The following CYP39A1 variants were observed in gnomAD, a reference collection of about 807,000 sequenced individuals.
The protein encoded by CYP39A1 is 24-hydroxycholesterol 7-alpha-hydroxylase.
A neutral mutation model predicts 58.1 loss-of-function variants in CYP39A1; 49 were observed. That is an observed-to-expected ratio of 0.84 (90% CI 0.67 to 1.07). The LOEUF (loss-of-function observed/expected upper bound fraction) is 1.07. CYP39A1 is among the 50% of genes least tolerant of loss of function. CYP39A1 has a pLI of 0.00. For synonymous variants in CYP39A1, 209 were observed against 187.6 expected, an observed-to-expected ratio of 1.11 and a Z score of -0.93; for missense variants, 531 against 539.4, an observed-to-expected ratio of 0.98 and a Z score of 0.16.
At chr6:46,551,369 G>GAAAAAA (rs200719212) in intron 11 of CYP39A1, among the ~76,000 whole-genome samples, 2 of 100,302 alleles carry the variant, frequency 2.0e-5, no homozygotes, top group African/African-American at 3.5e-5. Flanking sequence ...AAAGTAAAAT[G>GAAAAAA]AAAAAAAAAA....
chr6:46,637,633 A>G, intron 4 of CYP39A1, among the ~76,000 whole-genome samples, 196 bp downstream of exon 4: 1 of 152,220 alleles, frequency 6.6e-6, no homozygotes, highest in Non-Finnish European at 1.5e-5. Context: ...GTTTTTGTTC[A>G]TCACAATAAG....
At chr6:46,648,615 A>G (rs1582476716) in intron 1 of CYP39A1, among the ~76,000 whole-genome samples, 1 of 152,072 alleles carries the variant, frequency 6.6e-6, no homozygotes, top group East Asian at 1.9e-4. Flanking sequence ...ACATGTATAC[A>G]TATGTAACAA....
Position 46,550,293 on chromosome 6 carries a change from A to G in CYP39A1, c.*73T>C. On this transcript the variant is annotated 3_prime_UTR_variant, in exon 12 of 12. Coordinates refer to ENST00000275016, the MANE Select transcript of CYP39A1 (RefSeq NM_016593.5). ...GAAGCAGTGTGTTTTTGTAGAGCTC[A>G]GGTCTAGGTGCTGCCAGGTGGGGTA... 8.3e-7 allele frequency: 1 copy of G among 1,207,824 alleles called. No individual in the cohort carries two copies. Among genetic ancestry groups the G allele is most frequent in the Non-Finnish European group, 1.2e-6 (1 of 835,888 alleles). 74.8% of individuals were successfully genotyped at this position (1,207,824 alleles called of 1,614,324 possible).
intron 11 of CYP39A1, among the ~76,000 whole-genome samples, chr6:46,553,152 C>T (rs769851989): frequency 6.6e-6 from 1 of 151,124 alleles, no homozygotes; most frequent in Non-Finnish European, 1.5e-5. Context: ...GAAATTCTAG[C>T]GATAAATAGC....
intron 1 of CYP39A1, among the ~76,000 whole-genome samples, chr6:46,643,787 T>C (rs963897901): frequency 3.9e-5 from 6 of 152,038 alleles, no homozygotes; most frequent in Non-Finnish European, 8.8e-5. Context: ...TGTTGTTGTG[T>C]TTGTTTTACT....
At chr6:46,611,526 C>T (rs1180638372) in intron 7 of CYP39A1, among the ~76,000 whole-genome samples, 1 of 152,158 alleles carries the variant, frequency 6.6e-6, no homozygotes, top group East Asian at 1.9e-4. Context: ...AAGTTCAATG[C>T]CACTATACCA....
intron 6 of CYP39A1, among the ~76,000 whole-genome samples, chr6:46,630,046 A>G (rs1562007220): frequency 6.6e-6 from 1 of 152,210 alleles, no homozygotes; most frequent in East Asian, 1.9e-4. Context: ...CAGTGAGCCG[A>G]GATCACGCCA....
intron 1 of CYP39A1, among the ~76,000 whole-genome samples, chr6:46,642,690 C>A (rs914545037): frequency 2.0e-5 from 3 of 152,080 alleles, no homozygotes; most frequent in African/African-American, 7.2e-5. Context: ...TCAAAATTGC[C>A]AACTGGTTTA....
At chr6:46,641,942 C>T (rs910805792) in intron 2 of CYP39A1, among the ~76,000 whole-genome samples, 5 of 152,138 alleles carry the variant, frequency 3.3e-5, no homozygotes, top group South Asian at 4.1e-4. Flanking sequence ...ATCACTTTCA[C>T]GTGTCTAATT....
chr6:46,589,754 A>G (rs1772711476), intron 8 of CYP39A1, among the ~76,000 whole-genome samples: 1 of 152,136 alleles, frequency 6.6e-6, no homozygotes, highest in South Asian at 2.1e-4. Context: ...CTCTGGAATC[A>G]GCCACAGAGG....
chr6:46,588,372 A>C (rs1772605509), intron 8 of CYP39A1, among the ~76,000 whole-genome samples: 2 of 151,524 alleles, frequency 1.3e-5, no homozygotes, highest in South Asian at 4.1e-4. Context: ...GGTTACATAG[A>C]GGAAATTATA....
chr6:46,559,715 G>C (rs1465324960), intron 10 of CYP39A1, among the ~76,000 whole-genome samples: 2 of 152,152 alleles, frequency 1.3e-5, no homozygotes, highest in East Asian at 3.9e-4. Context: ...AGAACACCAA[G>C]GGTCAAATTT....
chr6:46,555,050 GACACACAC>G (rs138308277), intron 10 of CYP39A1, among the ~76,000 whole-genome samples: 2 of 148,390 alleles, frequency 1.3e-5, no homozygotes, highest in Non-Finnish European at 3.0e-5. Flanking sequence ...CGCAGACACA[GACACACAC>G]ACACACACAC....
chr6:46,557,819 C>A (rs1770734216), intron 10 of CYP39A1, among the ~76,000 whole-genome samples: 1 of 150,998 alleles, frequency 6.6e-6, no homozygotes. Context: ...TGCCTGTAAT[C>A]CCAGCTACTG....
intron 6 of CYP39A1, among the ~76,000 whole-genome samples, chr6:46,628,470 A>C (rs1775450592): frequency 6.6e-6 from 1 of 152,226 alleles, no homozygotes; most frequent in South Asian, 2.1e-4. Context: ...AATCTTCTAA[A>C]AAAATCATTT....
chr6:46,595,947 T>G, intron 8 of CYP39A1, 40 bp downstream of exon 8: 2 of 1,580,122 alleles, frequency 1.3e-6, no homozygotes, highest in Non-Finnish European at 1.7e-6. Flanking sequence ...GTACTTTTTT[T>G]GTAGAAGGTT....
intron 10 of CYP39A1, among the ~76,000 whole-genome samples, chr6:46,559,035 G>T (rs1000252495): frequency 1.6e-4 from 24 of 151,000 alleles, no homozygotes; most frequent in Non-Finnish European, 2.8e-4. Context: ...TTTGGGAATT[G>T]TGTAAAAGAG....
intron 2 of CYP39A1, among the ~76,000 whole-genome samples, chr6:46,640,260 T>C (rs944421173): frequency 3.3e-5 from 5 of 152,228 alleles, no homozygotes; most frequent in Admixed American, 3.3e-4. Context: ...ATTAAAAACA[T>C]ATTTTACATA....
chr6:46,634,523 G>C (rs200362104), intron 5 of CYP39A1, among the ~76,000 whole-genome samples: 5 of 131,024 alleles, frequency 3.8e-5, no homozygotes, highest in African/African-American at 1.4e-4. Context: ...TTTTCTTTTT[G>C]CTTTTTTTTT....
Sources: gnomAD v4.1 joint callset for allele counts (sites outside exome capture counted in the v4.1 genomes callset) on GRCh38, gnomAD v4.1.1 for gene constraint, MANE v1.5 for transcripts, NCBI Gene and HGNC (gene_info 2026-07-23, HGNC 2026-07-21) for gene names.